The following SEMA3C variants were observed in gnomAD, a reference collection of about 807,000 sequenced individuals.
SEMA3C encodes semaphorin-3C.
SEMA3C carries 47 observed loss-of-function variants against 89.4 expected under a neutral mutation model. The ratio of observed to expected loss-of-function variants is 0.53; its 90% CI spans 0.42 to 0.67. The LOEUF (loss-of-function observed/expected upper bound fraction) is 0.67. Ranked by LOEUF, SEMA3C falls within the 30% of genes least tolerant of loss-of-function variation. The pLI is 0.00. For missense variants in SEMA3C, 839 were observed against 929.1 expected, an observed-to-expected ratio of 0.90 and a Z score of 1.26; for synonymous variants, 310 against 320.2, an observed-to-expected ratio of 0.97 and a Z score of 0.34.
chr7:80,900,840 T>C (rs1005794858), intron 2 of SEMA3C, among the ~76,000 whole-genome samples: 3 of 152,242 alleles, frequency 2.0e-5, no homozygotes, highest in African/African-American at 7.2e-5. Flanking sequence ...AAATACTCCA[T>C]CACCTTTTCT....
intron 2 of SEMA3C, among the ~76,000 whole-genome samples, chr7:80,885,943 GCTGTGCTAAGCAT>G (rs1202445676): frequency 3.3e-5 from 5 of 152,274 alleles, no homozygotes; most frequent in South Asian, 4.1e-4. Context: ...ATACAAACCT[GCTGTGCTAAGCAT>G]CTATTACAAC....
rs138531737 is a variant in SEMA3C, at chr7:80,912,259, T to C, written c.103+4420A>G. ...TCCTAAAATTTTCAAGAGATGTTCT[T>C]TGCAATACCTGAAATAAAATTTCCT... On this transcript the variant is annotated intron_variant, in intron 2 of 17. Transcript: ENST00000265361. Among the ~76,000 whole-genome samples the C allele has an allele frequency of 7.8e-4, 119 of 152,298 alleles. 1 individual carries two copies. In the East Asian group the frequency reaches 0.02, roughly 26 times the overall value.
intron 12 of SEMA3C, among the ~76,000 whole-genome samples, chr7:80,766,931 C>T (rs1359669084): frequency 3.9e-5 from 6 of 152,192 alleles, no homozygotes; most frequent in South Asian, 4.1e-4. Flanking sequence ...TCTCCTCCCA[C>T]GTGCTGGCAG....
Position 80,754,957 on chromosome 7 carries a change from G to GTTTTTTTTTTGTTTTT in SEMA3C, c.1643+3373_1643+3374insAAAAACAAAAAAAAAA, listed in dbSNP as rs1449995090. ...CATGCCTGGCGAATTGTTTTTTTTT[G>GTTTTTTTTTTGTTTTT]TTTTTTTTTTTTTTGTATTTTTAGT... On this transcript the variant is annotated intron_variant, in intron 15 of 17. Transcript: ENST00000265361. 2.5e-4 allele frequency among the ~76,000 whole-genome samples: 27 copies of GTTTTTTTTTTGTTTTT among 108,346 alleles called. 1 individual carries two copies. Among genetic ancestry groups the GTTTTTTTTTTGTTTTT allele is most frequent in the South Asian group, 9.9e-4 (3 of 3,042 alleles). 71.1% of individuals were successfully genotyped at this position (108,346 alleles called of 152,430 possible).
chr7:80,909,087 T>C (rs1792085115), intron 2 of SEMA3C, among the ~76,000 whole-genome samples: 2 of 151,940 alleles, frequency 1.3e-5, no homozygotes, highest in Non-Finnish European at 2.9e-5. Flanking sequence ...AGTGTGTGTA[T>C]GTGTGTGTGT....
chr7:80,851,642 CCTAA>C (rs1171625741), intron 2 of SEMA3C, among the ~76,000 whole-genome samples: 1 of 151,432 alleles, frequency 6.6e-6, no homozygotes, highest in South Asian at 2.1e-4. Flanking sequence ...AGGAGCAAGA[CCTAA>C]CTGAGTGCCA....
At chr7:80,817,605 C>G (rs538692917) in intron 5 of SEMA3C, among the ~76,000 whole-genome samples, 157 of 152,090 alleles carry the variant, frequency 1.0e-3, no homozygotes, top group Non-Finnish European at 1.8e-3. Flanking sequence ...GTTCAACCAG[C>G]CTCATATTTG....
Position 80,830,368 on chromosome 7 carries a change from G to T in SEMA3C, c.104-1623C>A, listed in dbSNP as rs78089056. On this transcript the variant is annotated intron_variant, in intron 2 of 17. Transcript: ENST00000265361. ...TAAATACGTGAAATGAGTGACAAGA[G>T]ATAGTATTCAATAAATTCTAATTAC... 4.0e-3 allele frequency among the ~76,000 whole-genome samples: 611 copies of T among 152,222 alleles called. 3 individuals are homozygous for T. Among genetic ancestry groups the T allele is most frequent in the African/African-American group, 0.014 (576 of 41,552 alleles).
intron 2 of SEMA3C, among the ~76,000 whole-genome samples, chr7:80,868,657 C>T (rs929631970): frequency 2.0e-5 from 3 of 151,992 alleles, no homozygotes; most frequent in African/African-American, 7.3e-5. Context: ...ACTTTCCTTT[C>T]TCTATAAGCA....
intron 2 of SEMA3C, among the ~76,000 whole-genome samples, chr7:80,904,260 C>A (rs10258257): frequency 6.6e-6 from 1 of 152,072 alleles, no homozygotes; most frequent in Non-Finnish European, 1.5e-5. Context: ...AGGTTGGTCT[C>A]GAACTCCTGG....
intron 2 of SEMA3C, among the ~76,000 whole-genome samples, chr7:80,868,439 T>C (rs1231544414): frequency 6.6e-6 from 1 of 152,030 alleles, no homozygotes; most frequent in East Asian, 1.9e-4. Flanking sequence ...GACTAATTTT[T>C]GTATTTTTTG....
chr7:80,804,890 C>T (rs1789301433), intron 7 of SEMA3C, among the ~76,000 whole-genome samples: 1 of 152,114 alleles, frequency 6.6e-6, no homozygotes, highest in Non-Finnish European at 1.5e-5. Context: ...CTTAACTCTG[C>T]AATGTTAAAT....
chr7:80,748,045 A>G (rs1190824901), intron 17 of SEMA3C, among the ~76,000 whole-genome samples: 1 of 152,174 alleles, frequency 6.6e-6, no homozygotes, highest in Non-Finnish European at 1.5e-5. Flanking sequence ...AATATGTAAT[A>G]ACCAAATTGC....
At chr7:80,838,987 T>C (rs1790202449) in intron 2 of SEMA3C, among the ~76,000 whole-genome samples, 1 of 149,550 alleles carries the variant, frequency 6.7e-6, no homozygotes, top group African/African-American at 2.5e-5. Context: ...AATTCTAAAC[T>C]CTGACTTCCC....
chr7:80,760,806 T>G (rs778916424), intron 14 of SEMA3C, among the ~76,000 whole-genome samples: 7 of 152,194 alleles, frequency 4.6e-5, no homozygotes, highest in Non-Finnish European at 8.8e-5. Context: ...ATGTAGAAAC[T>G]CAGGTCAGTG....
At chr7:80,840,783 TA>T (rs1350894276) in intron 2 of SEMA3C, among the ~76,000 whole-genome samples, 4 of 152,086 alleles carry the variant, frequency 2.6e-5, no homozygotes, top group African/African-American at 7.2e-5. Context: ...CAATAAATAT[TA>T]ACTAAGCCAC....
intron 2 of SEMA3C, among the ~76,000 whole-genome samples, chr7:80,882,159 A>G (rs574438987): frequency 6.6e-6 from 1 of 152,236 alleles, no homozygotes; most frequent in East Asian, 1.9e-4. Flanking sequence ...ATGTAGCACA[A>G]ATCACTACAC....
chr7:80,844,625 T>A (rs1790346227), intron 2 of SEMA3C, among the ~76,000 whole-genome samples: 1 of 152,176 alleles, frequency 6.6e-6, no homozygotes, highest in Non-Finnish European at 1.5e-5. Context: ...AAATATTGAC[T>A]GTGATCATTA....
chr7:80,898,329 G>A lies in SEMA3C; in HGVS notation c.103+18350C>T, dbSNP rs147526044. Among the ~76,000 whole-genome samples, 134 of 152,264 alleles carry A rather than the reference G, an allele frequency of 8.8e-4. 1 individual carries two copies. The East Asian group carries it at 0.023, about 26-fold the overall frequency. ...TGCAGTGAGCCGAGATCGCGCCACT[G>A]CACTCCAGCCTGGGTGACAGAGCGA... On this transcript the variant is annotated intron_variant, in intron 2 of 17. Coordinates refer to ENST00000265361, the MANE Select transcript of SEMA3C (RefSeq NM_006379.5).
Sources: allele counts gnomAD v4.1 joint callset (sites outside exome capture counted in the v4.1 genomes callset), GRCh38; gene constraint gnomAD v4.1.1; transcripts MANE v1.5; gene names NCBI Gene and HGNC (gene_info 2026-07-23, HGNC 2026-07-21).